Variants in ROBO1 observed in about 807,000 individuals in gnomAD.
ROBO1 encodes the protein roundabout homolog 1.
In ROBO1, 149 loss-of-function variants were observed where a neutral mutation model predicts 195.9. The observed-to-expected ratio is 0.76, with a 90% CI of 0.67 to 0.87. The LOEUF is 0.87. Among genes scored for constraint, ROBO1 ranks in the 40% least tolerant of loss-of-function variants. ROBO1 has a pLI of 0.00. For missense variants in ROBO1, 1,933 were observed against 2,068.3 expected (o/e 0.93, Z 1.27); for synonymous variants, 816 against 733.2 (o/e 1.11, Z -1.82).
chr3:78,636,957 A>ATATATATATATC (rs1705551388), intron 22 of ROBO1, among the ~76,000 whole-genome samples: 1 of 132,792 alleles, frequency 7.5e-6, no homozygotes, highest in Non-Finnish European at 1.6e-5. Context: ...ATATATATAT[A>ATATATATATATC]TATATATATA....
At chr3:78,986,936 T>C (rs990468224) in intron 3 of ROBO1, among the ~76,000 whole-genome samples, 1 of 152,172 alleles carries the variant, frequency 6.6e-6, no homozygotes, top group African/African-American at 2.4e-5. Context: ...TTACTAGGTA[T>C]AGAGAATTTG....
In ROBO1 at chr3:79,045,317, AAC is replaced by A. The variant is rs1314541148; in HGVS notation, c.172+80137_172+80138del. On this transcript the variant is annotated intron_variant, in intron 3 of 30. Coordinates refer to ENST00000464233, the MANE Select transcript of ROBO1 (RefSeq NM_002941.4). ...TTTTTAGCACGAACACCAAATAATG[AAC>A]TATACATTAAAGTTTTTCTTAAAAA... Among the ~76,000 whole-genome samples the A allele has an allele frequency of 3.3e-5, 5 of 152,202 alleles. No homozygotes were observed. In the East Asian group the frequency reaches 9.7e-4, roughly 29 times the overall value.
intron 3 of ROBO1, among the ~76,000 whole-genome samples, chr3:79,068,367 G>A (rs2079035922): frequency 1.3e-5 from 2 of 151,796 alleles, no homozygotes; most frequent in South Asian, 2.1e-4. Flanking sequence ...TCCTAACCAT[G>A]GGCATGGTTA....
chr3:79,147,688 TG>T (rs2080681180), intron 2 of ROBO1, among the ~76,000 whole-genome samples: 2 of 151,950 alleles, frequency 1.3e-5, no homozygotes, highest in South Asian at 2.1e-4. Flanking sequence ...TTATACACAG[TG>T]GGTGAGATAG....
chr3:79,213,820 T>C (rs796842037), intron 2 of ROBO1, among the ~76,000 whole-genome samples: 2 of 140,450 alleles, frequency 1.4e-5, no homozygotes, highest in East Asian at 4.2e-4. Flanking sequence ...CCCTTTCTTT[T>C]TTTTTTTTTT....
Position 78,685,846 on chromosome 3 carries a change from T to G in ROBO1, c.1242A>C (p.Thr414=). The part of the protein sequence containing the change: ...RFSVSQTGDL[T]ITNVQRSDVG... ...CATCAGATCGCTGGACATTAGTAATTGTGAGGTCGCCAGTCTGGGAGACTG... is the reference window on the plus strand; with the variant it reads ...CATCAGATCGCTGGACATTAGTAATGGTGAGGTCGCCAGTCTGGGAGACTG... The change falls in exon 10 of 31, where the codon ACA becomes ACC. Residue 414 remains threonine, a synonymous_variant. Transcript: ENST00000464233. 1 of 1,610,768 alleles carries G rather than the reference T, an allele frequency of 6.2e-7. No individual in the cohort carries two copies. Among genetic ancestry groups the G allele is most frequent in the East Asian group, 2.2e-5 (1 of 44,804 alleles).
chr3:79,496,117 G>A (rs770209361), intron 2 of ROBO1, among the ~76,000 whole-genome samples: 1 of 149,024 alleles, frequency 6.7e-6, no homozygotes, highest in Non-Finnish European at 1.5e-5. Context: ...GGAGGATGAG[G>A]AGTGAGAATA....
chr3:79,393,804 AG>A (rs1236715867), intron 2 of ROBO1, among the ~76,000 whole-genome samples: 3 of 152,358 alleles, frequency 2.0e-5, no homozygotes, highest in Non-Finnish European at 4.4e-5. Context: ...AAGAAAGAGA[AG>A]GAAAAATACT....
chr3:79,271,354 C>G (rs1217668694), intron 2 of ROBO1, among the ~76,000 whole-genome samples: 1 of 151,910 alleles, frequency 6.6e-6, no homozygotes, highest in African/African-American at 2.4e-5. Flanking sequence ...CTGGGAATAG[C>G]CTTCTTATCT....
At chr3:78,687,710 T>C (rs1163846267) in intron 9 of ROBO1, among the ~76,000 whole-genome samples, 1 of 152,200 alleles carries the variant, frequency 6.6e-6, no homozygotes, top group Non-Finnish European at 1.5e-5. Flanking sequence ...CTGCAGTCTC[T>C]ACCTCGTGGG....
intron 2 of ROBO1, among the ~76,000 whole-genome samples, chr3:79,503,124 A>C (rs1442101380): frequency 6.6e-6 from 1 of 152,188 alleles, no homozygotes; most frequent in African/African-American, 2.4e-5. Context: ...CTTTGGGTCT[A>C]CACTGCCATT....
At chr3:79,411,371 T>C (rs1377787812) in intron 2 of ROBO1, among the ~76,000 whole-genome samples, 1 of 152,164 alleles carries the variant, frequency 6.6e-6, no homozygotes, top group East Asian at 1.9e-4. Context: ...AGGTATTGCA[T>C]TTCCATACAA....
intron 2 of ROBO1, among the ~76,000 whole-genome samples, chr3:79,183,175 T>C (rs1346275071): frequency 6.6e-6 from 1 of 152,178 alleles, no homozygotes; most frequent in African/African-American, 2.4e-5. Context: ...GCACATTTTA[T>C]TTTATGATTT....
intron 2 of ROBO1, among the ~76,000 whole-genome samples, chr3:79,251,825 C>T (rs1279734375): frequency 2.0e-5 from 3 of 152,026 alleles, no homozygotes; most frequent in Admixed American, 6.6e-5. Flanking sequence ...TGGCGCGCAT[C>T]TGTAATCCCA....
intron 4 of ROBO1, among the ~76,000 whole-genome samples, chr3:78,884,584 A>G (rs1286131547): frequency 6.7e-6 from 1 of 150,022 alleles, no homozygotes; most frequent in Non-Finnish European, 1.5e-5. Flanking sequence ...AAAGAGAGAA[A>G]GGGAGAAAGA....
chr3:78,988,889 T>C (rs1023655824), intron 3 of ROBO1, among the ~76,000 whole-genome samples: 2 of 152,190 alleles, frequency 1.3e-5, no homozygotes, highest in Non-Finnish European at 2.9e-5. Context: ...TTATGAGGAA[T>C]GTGATATACA....
intron 4 of ROBO1, among the ~76,000 whole-genome samples, chr3:78,906,400 G>C (rs2037923566): frequency 6.6e-6 from 1 of 152,114 alleles, no homozygotes; most frequent in Non-Finnish European, 1.5e-5. Flanking sequence ...GACAGCCACT[G>C]ACTTGGCCTT....
chr3:78,999,214 A>T (rs1243815257), intron 3 of ROBO1, among the ~76,000 whole-genome samples: 3 of 152,078 alleles, frequency 2.0e-5, no homozygotes, highest in Middle Eastern at 3.2e-3. Flanking sequence ...AATCCCATTA[A>T]CCAAAATAAA....
chr3:78,608,397 C>T (rs1333113047), intron 28 of ROBO1, among the ~76,000 whole-genome samples: 1 of 152,164 alleles, frequency 6.6e-6, no homozygotes, highest in East Asian at 1.9e-4. Flanking sequence ...TGAGCCACCA[C>T]ACCCAGCCTA....
Sources: allele counts gnomAD v4.1 joint callset (sites outside exome capture counted in the v4.1 genomes callset), GRCh38; gene constraint gnomAD v4.1.1; transcripts MANE v1.5; gene names NCBI Gene and HGNC (gene_info 2026-07-23, HGNC 2026-07-21).